Variants in GALK2 observed in about 807,000 individuals in gnomAD.
The protein encoded by GALK2 is galactokinase 2.
In GALK2, 36 loss-of-function variants were observed where a neutral mutation model predicts 52.4. The observed-to-expected ratio is 0.69, with a 90% CI of 0.53 to 0.91. The LOEUF is 0.91. Among genes scored for constraint, GALK2 ranks in the 40% least tolerant of loss-of-function variants. The pLI, the probability that GALK2 is intolerant of heterozygous loss-of-function variation, is 0.00. For missense variants in GALK2, 579 were observed against 559.1 expected (o/e 1.04, Z -0.36); for synonymous variants, 176 against 199.1 (o/e 0.88, Z 0.98).
chr15:49,191,648 A>C lies in GALK2; in HGVS notation c.54-9514A>C, dbSNP rs1391873882. Among the ~76,000 whole-genome samples, 5 of 152,174 alleles carry C rather than the reference A, an allele frequency of 3.3e-5. No homozygotes were observed. In the East Asian group the frequency reaches 9.6e-4, roughly 29 times the overall value. ...ATATGTCCCATCACCAATTCTGTTA[A>C]CCTAAATCACTTAAGGAGGTGTCTG... is the stretch of plus-strand genomic sequence containing the variant. On this transcript the variant is annotated intron_variant, in intron 1 of 9. Transcript: ENST00000560031.
chr15:49,179,431 A>G (rs1412501097), intron 1 of GALK2, among the ~76,000 whole-genome samples: 2 of 152,178 alleles, frequency 1.3e-5, no homozygotes, highest in Non-Finnish European at 2.9e-5. Flanking sequence ...TATTGAAGAG[A>G]AAACAAGCAC....
chr15:49,237,937 T>G (rs2090913238), intron 4 of GALK2, among the ~76,000 whole-genome samples: 1 of 152,184 alleles, frequency 6.6e-6, no homozygotes, highest in Non-Finnish European at 1.5e-5. Flanking sequence ...TGTTTGTATA[T>G]CTGGAAGGAA....
intron 3 of GALK2, among the ~76,000 whole-genome samples, chr15:49,363,221 C>G (rs2044554010): frequency 6.6e-6 from 1 of 152,078 alleles, no homozygotes; most frequent in Non-Finnish European, 1.5e-5. Context: ...GGCAGTATGG[C>G]CATTTAAATG....
rs202094466 is a variant in GALK2 at position 49,329,020 on chromosome 15, C to T, written c.*861C>T. ...TTCATAGAATTACTTTCTTATCACT[C>T]TTTTTCTACTACTTTTTCTCAAATA... is the stretch of plus-strand genomic sequence containing the variant. On this transcript the variant is annotated 3_prime_UTR_variant, in exon 10 of 10. Transcript: ENST00000560031. 2 of 866,668 alleles carry T rather than the reference C, an allele frequency of 2.3e-6. No individual in the cohort carries two copies. Among genetic ancestry groups the T allele is most frequent in the Non-Finnish European group, 2.7e-6 (2 of 746,152 alleles). 53.7% of individuals were successfully genotyped at this position (866,668 alleles called of 1,614,324 possible).
intron 5 of GALK2, among the ~76,000 whole-genome samples, chr15:49,268,362 A>G (rs1262166757): frequency 6.6e-6 from 1 of 152,230 alleles, no homozygotes; most frequent in Non-Finnish European, 1.5e-5. Context: ...GCTGAGTTGC[A>G]GGTACAAGCC....
downstream of GALK2, chr15:49,335,566 G>A: frequency 8.9e-7 from 1 of 1,117,830 alleles, no homozygotes; most frequent in Non-Finnish European, 1.4e-6. Context: ...ACCCTTCACA[G>A]AGGAACCAAG....
intron 1 of GALK2, among the ~76,000 whole-genome samples, chr15:49,193,381 G>A (rs1415697171): frequency 6.6e-6 from 1 of 151,450 alleles, no homozygotes; most frequent in African/African-American, 2.4e-5. Context: ...TTTAATGTAA[G>A]GGATATTATC....
At chr15:49,258,794 A>ATG (rs35306007) in intron 5 of GALK2, among the ~76,000 whole-genome samples, 73 of 103,792 alleles carry the variant, frequency 7.0e-4, no homozygotes, top group East Asian at 4.4e-3. Context: ...ATATATATAT[A>ATG]TGTGTGTGTG....
intron 3 of GALK2, among the ~76,000 whole-genome samples, chr15:49,367,111 G>A (rs941023464): frequency 7.2e-5 from 11 of 152,276 alleles, no homozygotes; most frequent in African/African-American, 2.6e-4. Context: ...AAGGCTAGAA[G>A]CCCATGCCTC....
intron 1 of GALK2, among the ~76,000 whole-genome samples, chr15:49,200,831 C>T (rs2087690147): frequency 6.6e-6 from 1 of 152,012 alleles, no homozygotes; most frequent in Admixed American, 6.5e-5. Context: ...CTGAATGTCA[C>T]CAAAAAAGTA....
At chr15:49,206,908 CT>C (rs1343162291) in intron 2 of GALK2, among the ~76,000 whole-genome samples, 2 of 152,156 alleles carry the variant, frequency 1.3e-5, no homozygotes, top group Admixed American at 6.5e-5. Context: ...GCATCTTAGT[CT>C]TGTCCCAGTT....
At chr15:49,169,016 A>G (rs952627406), upstream of GALK2, 1 of 153,358 alleles carries the variant, frequency 6.5e-6, no homozygotes, top group Non-Finnish European at 1.5e-5. Context: ...TACAGTAATA[A>G]CCCAACGGGG....
chr15:49,159,988 T>A (rs2084594215), intron 1 of GALK2, among the ~76,000 whole-genome samples: 1 of 152,018 alleles, frequency 6.6e-6, no homozygotes, highest in Non-Finnish European at 1.5e-5. Flanking sequence ...AGATTAATAA[T>A]ACTGGCCAGG....
chr15:49,188,860 A>G (rs1004912611), intron 1 of GALK2, among the ~76,000 whole-genome samples: 1 of 152,236 alleles, frequency 6.6e-6, no homozygotes, highest in Non-Finnish European at 1.5e-5. Context: ...GGCAGCATGT[A>G]AAAATAGAGA....
intron 5 of GALK2, among the ~76,000 whole-genome samples, chr15:49,249,502 A>T (rs955751044): frequency 2.0e-5 from 3 of 152,202 alleles, no homozygotes; most frequent in African/African-American, 7.2e-5. Context: ...TCCTGATAGG[A>T]GATTTTGATG....
intron 1 of GALK2, 48 bp downstream of exon 1, chr15:49,170,423 G>A (rs767367098): frequency 1.3e-6 from 2 of 1,546,348 alleles, no homozygotes; most frequent in Non-Finnish European, 1.8e-6. Flanking sequence ...GGTTGGCTAC[G>A]TGTAGATCGG....
intron 1 of GALK2, among the ~76,000 whole-genome samples, chr15:49,199,851 G>A (rs889796070): frequency 1.2e-4 from 19 of 152,134 alleles, no homozygotes; most frequent in African/African-American, 4.3e-4. Context: ...TGTCTTTGGA[G>A]CAACAAGAGA....
At chr15:49,221,355 T>C (rs1180210686) in intron 3 of GALK2, among the ~76,000 whole-genome samples, 1 of 152,196 alleles carries the variant, frequency 6.6e-6, no homozygotes, top group Non-Finnish European at 1.5e-5. Flanking sequence ...ATGTATTTTC[T>C]TGGTACCTTT....
chr15:49,267,774 T>C (rs773161558), intron 5 of GALK2, among the ~76,000 whole-genome samples: 16 of 152,202 alleles, frequency 1.1e-4, no homozygotes, highest in Non-Finnish European at 2.1e-4. Flanking sequence ...AGAAGTAAAA[T>C]CCTTACTTCT....
Sources: allele counts gnomAD v4.1 joint callset (sites outside exome capture counted in the v4.1 genomes callset), GRCh38; gene constraint gnomAD v4.1.1; transcripts MANE v1.5; gene names NCBI Gene and HGNC (gene_info 2026-07-23, HGNC 2026-07-21).